Variants in RAI14 observed in about 807,000 individuals in gnomAD.
RAI14 encodes ankycorbin.
A neutral mutation model predicts 115.4 loss-of-function variants in RAI14; 45 were observed. That is an observed-to-expected ratio of 0.39 (90% CI 0.31 to 0.50). The LOEUF is 0.50. Among genes scored for constraint, RAI14 ranks in the 20% least tolerant of loss-of-function variants. The pLI is 0.85. For missense variants in RAI14, 939 were observed against 1,131.2 expected, an observed-to-expected ratio of 0.83 and a Z score of 2.44; for synonymous variants, 371 against 415.4, an observed-to-expected ratio of 0.89 and a Z score of 1.30.
intron 10 of RAI14, among the ~76,000 whole-genome samples, chr5:34,812,536 G>A (rs112448574): frequency 0.13 from 19,341 of 151,778 alleles, 1,686 homozygotes; most frequent in Non-Finnish European, 0.18. Flanking sequence ...ATGGTGGTGC[G>A]TGCCTGTAAT....
At chr5:34,687,443 C>A (rs867738641) in intron 2 of RAI14, 2 of 752,364 alleles carry the variant, frequency 2.7e-6, no homozygotes, top group Non-Finnish European at 3.7e-6. Flanking sequence ...CTTTCCTCCC[C>A]CCGAATTCCA....
chr5:34,801,852 C>A lies in RAI14; in HGVS notation c.257-1860C>A, dbSNP rs548310574. Among the ~76,000 whole-genome samples the A allele has an allele frequency of 1.5e-3, 228 of 152,194 alleles. 1 individual carries two copies. The highest frequency in any genetic ancestry group is 2.7e-3 in the Non-Finnish European group (186 of 67,988). On this transcript the variant is annotated intron_variant, in intron 4 of 17. Coordinates refer to ENST00000265109, the MANE Select transcript of RAI14 (RefSeq NM_015577.3). ...TTGTGAGGCCGAGGCAGGAGGATTGCTTGAGGACAGGAGTTTGAGACTAGC... is the reference window on the plus strand; with the variant it reads ...TTGTGAGGCCGAGGCAGGAGGATTGATTGAGGACAGGAGTTTGAGACTAGC...
chr5:34,811,570 T>C (rs904167663), intron 8 of RAI14, among the ~76,000 whole-genome samples, 197 bp from the exon 9 acceptor site: 4 of 143,202 alleles, frequency 2.8e-5, no homozygotes, highest in East Asian at 2.0e-4. Context: ...TGTTTTGATT[T>C]AATCTGAAGT....
At chr5:34,681,820 A>G (rs183124661) in intron 1 of RAI14, among the ~76,000 whole-genome samples, 1 of 148,140 alleles carries the variant, frequency 6.8e-6, no homozygotes, top group East Asian at 2.0e-4. Flanking sequence ...TTTTTTCATC[A>G]GTCTAGAGGT....
intron 3 of RAI14, among the ~76,000 whole-genome samples, chr5:34,789,051 T>A (rs1752634895): frequency 6.6e-6 from 1 of 152,170 alleles, no homozygotes; most frequent in South Asian, 2.1e-4. Flanking sequence ...TCCTAATCTG[T>A]AGGCTCTTTT....
intron 4 of RAI14, among the ~76,000 whole-genome samples, chr5:34,799,497 C>G (rs1036193415): frequency 6.0e-5 from 3 of 50,166 alleles, no homozygotes; most frequent in Non-Finnish European, 1.1e-4. Context: ...CACACAGACA[C>G]ACACACACAC....
At chr5:34,773,084 A>G (rs775026426) in intron 3 of RAI14, among the ~76,000 whole-genome samples, 9 of 152,190 alleles carry the variant, frequency 5.9e-5, no homozygotes, top group Non-Finnish European at 1.2e-4. Context: ...TGTGGAACAT[A>G]TCCATAAAAT....
intron 1 of RAI14, among the ~76,000 whole-genome samples, chr5:34,659,568 T>C (rs1742537726): frequency 6.6e-6 from 1 of 152,222 alleles, no homozygotes; most frequent in Non-Finnish European, 1.5e-5. Context: ...TTTTTCACTG[T>C]TACACTTTTT....
intron 16 of RAI14, among the ~76,000 whole-genome samples, 200 bp downstream of exon 16, chr5:34,826,679 G>A (rs959944521): frequency 2.6e-5 from 4 of 152,208 alleles, no homozygotes; most frequent in African/African-American, 9.7e-5. Flanking sequence ...TATCAGCAAT[G>A]CAACGGGTCA....
intron 2 of RAI14, among the ~76,000 whole-genome samples, chr5:34,723,945 T>C (rs1410903267): frequency 6.6e-6 from 1 of 152,222 alleles, no homozygotes; most frequent in Non-Finnish European, 1.5e-5. Context: ...TTTGCCTTGG[T>C]GTGACTTTTT....
intron 4 of RAI14, among the ~76,000 whole-genome samples, chr5:34,796,414 T>C (rs973703553): frequency 1.5e-5 from 2 of 135,084 alleles, no homozygotes; most frequent in Non-Finnish European, 3.2e-5. Context: ...AAAAAAAAAA[T>C]TAGAGTCTAC....
chr5:34,741,226 A>G (rs2150047219), intron 2 of RAI14, among the ~76,000 whole-genome samples: 1 of 152,360 alleles, frequency 6.6e-6, no homozygotes, highest in Non-Finnish European at 1.5e-5. Flanking sequence ...GCCATTAAGT[A>G]CAATCTGTTT....
intron 2 of RAI14, among the ~76,000 whole-genome samples, chr5:34,691,377 G>A (rs1405677066): frequency 2.0e-5 from 3 of 152,136 alleles, no homozygotes; most frequent in Non-Finnish European, 4.4e-5. Flanking sequence ...TTAAGCGAGC[G>A]CAGAGTTCTC....
At chr5:34,764,432 G>A (rs966763626) in intron 3 of RAI14, among the ~76,000 whole-genome samples, 36 of 152,130 alleles carry the variant, frequency 2.4e-4, no homozygotes, top group Admixed American at 9.8e-4. Flanking sequence ...AGCAGGACAG[G>A]ATACAGTGAG....
At chr5:34,801,713 C>T (rs1441997527) in intron 4 of RAI14, among the ~76,000 whole-genome samples, 1 of 151,342 alleles carries the variant, frequency 6.6e-6, no homozygotes, top group African/African-American at 2.4e-5. Flanking sequence ...TGCACTCCGG[C>T]CTGAATGACA....
chr5:34,723,998 A>G (rs1381385867), intron 2 of RAI14, among the ~76,000 whole-genome samples: 1 of 152,080 alleles, frequency 6.6e-6, no homozygotes, highest in African/African-American at 2.4e-5. Flanking sequence ...ATAAAGCAGT[A>G]TTTTATACAC....
At chr5:34,730,325 A>G (rs1744016429) in intron 2 of RAI14, among the ~76,000 whole-genome samples, 1 of 152,206 alleles carries the variant, frequency 6.6e-6, no homozygotes, top group African/African-American at 2.4e-5. Context: ...TTAACAAATG[A>G]ATGTTGAGTT....
chr5:34,822,681 T>C (rs1250993737), intron 14 of RAI14, among the ~76,000 whole-genome samples: 1 of 87,830 alleles, frequency 1.1e-5, no homozygotes, highest in African/African-American at 7.1e-5. Context: ...TTTTTTTTTT[T>C]TTTTTTTTTT....
intron 1 of RAI14, chr5:34,685,084 A>G (rs1246928322): frequency 6.6e-6 from 1 of 152,046 alleles, no homozygotes; most frequent in Admixed American, 6.5e-5. Flanking sequence ...TGAAAAAGGT[A>G]GAGTCTGTAC....
Sources: gnomAD v4.1 joint callset for allele counts (sites outside exome capture counted in the v4.1 genomes callset) on GRCh38, gnomAD v4.1.1 for gene constraint, MANE v1.5 for transcripts, NCBI Gene and HGNC (gene_info 2026-07-23, HGNC 2026-07-21) for gene names.